ST6GALNAC3: variants seen among roughly 807,000 people sequenced by gnomAD.
The protein encoded by ST6GALNAC3 is ST6 N-acetylgalactosaminide alpha-2,6-sialyltransferase 3.
ST6GALNAC3 carries 25 observed loss-of-function variants against 32.7 expected under a neutral mutation model. That is an observed-to-expected ratio of 0.76 (90% CI 0.56 to 1.07). The LOEUF (loss-of-function observed/expected upper bound fraction) is 1.07, where lower values mean the gene tolerates loss of function less well. ST6GALNAC3 is among the 50% of genes least tolerant of loss of function. The pLI, the probability that ST6GALNAC3 is intolerant of heterozygous loss-of-function variation, is 0.00. For synonymous variants in ST6GALNAC3, 129 were observed against 133.1 expected (o/e 0.97, Z 0.21); for missense variants, 355 against 382.4 (o/e 0.93, Z 0.60).
intron 1 of ST6GALNAC3, among the ~76,000 whole-genome samples, chr1:76,181,768 T>TCAATAAATATTG (rs1461094479): frequency 1.2e-4 from 18 of 152,230 alleles, no homozygotes; most frequent in Non-Finnish European, 2.6e-4. Context: ...ATTAATATTA[T>TCAATAAATATTG]AACTTTAGTT....
Position 76,588,284 on chromosome 1 carries a change from A to T in ST6GALNAC3, c.624-39168A>T, listed in dbSNP as rs1646994493. Among the ~76,000 whole-genome samples the T allele has an allele frequency of 2.6e-5, 4 of 152,102 alleles. No individual in the cohort carries two copies. In the South Asian group the frequency reaches 8.3e-4, roughly 32 times the overall value. ...CTAGTTTTTTTTTTAATGTAGCCAT[A>T]TCCAAATAAAGTGTATGATCCCTTC... On this transcript the variant is annotated intron_variant, in intron 3 of 4. Transcript: ENST00000328299.
At chr1:76,374,044 A>G (rs1651029174) in intron 2 of ST6GALNAC3, among the ~76,000 whole-genome samples, 1 of 152,174 alleles carries the variant, frequency 6.6e-6, no homozygotes, top group East Asian at 1.9e-4. Flanking sequence ...TGCAGCCTAT[A>G]CTTTGACTAC....
chr1:76,236,553 A>G (rs1373861340), intron 1 of ST6GALNAC3, among the ~76,000 whole-genome samples: 3 of 152,194 alleles, frequency 2.0e-5, no homozygotes, highest in African/African-American at 7.2e-5. Flanking sequence ...CCTCGTAGAA[A>G]CCTTCAAAGT....
chr1:76,077,034 C>T (rs1646825819), intron 1 of ST6GALNAC3, among the ~76,000 whole-genome samples: 1 of 152,176 alleles, frequency 6.6e-6, no homozygotes, highest in Admixed American at 6.5e-5. Context: ...ATGGTCTAGA[C>T]AGTCTGGGCT....
chr1:76,354,897 T>G (rs1474846414), intron 2 of ST6GALNAC3, among the ~76,000 whole-genome samples: 1 of 152,198 alleles, frequency 6.6e-6, no homozygotes, highest in Non-Finnish European at 1.5e-5. Flanking sequence ...ACTAGACTGT[T>G]TTGGTAAGCT....
At chr1:76,423,337 C>T (rs952801960) in intron 3 of ST6GALNAC3, among the ~76,000 whole-genome samples, 1 of 151,958 alleles carries the variant, frequency 6.6e-6, no homozygotes, top group African/African-American at 2.4e-5. Flanking sequence ...GGGCCATTTC[C>T]TTGGAGTTTC....
At chr1:76,294,227 T>C (rs1035570934) in intron 1 of ST6GALNAC3, among the ~76,000 whole-genome samples, 1 of 152,134 alleles carries the variant, frequency 6.6e-6, no homozygotes, top group Non-Finnish European at 1.5e-5. Context: ...TTTTATTAAA[T>C]TTCTGAAACC....
intron 3 of ST6GALNAC3, among the ~76,000 whole-genome samples, chr1:76,442,624 C>G (rs1656691389): frequency 6.6e-6 from 1 of 152,166 alleles, no homozygotes; most frequent in African/African-American, 2.4e-5. Context: ...CTTTTTCCAT[C>G]TGTTCCCGGC....
rs372012611 is a variant in ST6GALNAC3 at position 76,172,656 on chromosome 1, A to T, written c.18+97772A>T. On this transcript the variant is annotated intron_variant, in intron 1 of 4. Transcript: ENST00000328299. ...AGCAAAGTCTCAGGATACAAAATTA[A>T]TGTGCAAAAATCACAAGTATTCCTT... Among the ~76,000 whole-genome samples the T allele has an allele frequency of 6.3e-4, 96 of 152,330 alleles. 3 individuals carry two copies. The South Asian group carries it at 0.012, about 19-fold the overall frequency.
intron 3 of ST6GALNAC3, among the ~76,000 whole-genome samples, chr1:76,625,173 C>A (rs779241396): frequency 2.6e-5 from 4 of 151,976 alleles, no homozygotes; most frequent in Non-Finnish European, 4.4e-5. Context: ...CATGGCTGTG[C>A]TTTGTTGCAC....
intron 1 of ST6GALNAC3, among the ~76,000 whole-genome samples, chr1:76,180,063 A>G (rs926481083): frequency 6.6e-6 from 1 of 152,192 alleles, no homozygotes. Flanking sequence ...ATTATTTATA[A>G]AGTGCTAACA....
intron 2 of ST6GALNAC3, among the ~76,000 whole-genome samples, chr1:76,388,119 TAA>T (rs199556980): frequency 6.8e-6 from 1 of 146,362 alleles, no homozygotes; most frequent in African/African-American, 2.5e-5. Flanking sequence ...CAGTTGCAAG[TAA>T]AAAAAAAAAT....
chr1:76,185,342 C>T (rs952426534), intron 1 of ST6GALNAC3, among the ~76,000 whole-genome samples: 10 of 152,128 alleles, frequency 6.6e-5, no homozygotes, highest in African/African-American at 2.4e-4. Flanking sequence ...AACACATGCA[C>T]CATTTTATTG....
chr1:76,437,949 T>G (rs928473732), intron 3 of ST6GALNAC3, among the ~76,000 whole-genome samples: 6 of 151,958 alleles, frequency 3.9e-5, no homozygotes, highest in Admixed American at 3.3e-4. Flanking sequence ...ATTTTGCATT[T>G]TCTCAATTTC....
intron 2 of ST6GALNAC3, among the ~76,000 whole-genome samples, chr1:76,335,546 G>A (rs1009424997): frequency 6.6e-6 from 1 of 152,126 alleles, no homozygotes; most frequent in African/African-American, 2.4e-5. Flanking sequence ...TGGAGTTCCA[G>A]AGAAAACCCA....
At chr1:76,380,131 T>C (rs143808737) in intron 2 of ST6GALNAC3, among the ~76,000 whole-genome samples, 3 of 152,292 alleles carry the variant, frequency 2.0e-5, no homozygotes, top group African/African-American at 7.2e-5. Flanking sequence ...ATGGGGACTC[T>C]TAGAAAGTAT....
At chr1:76,120,548 A>G (rs1182709910) in intron 1 of ST6GALNAC3, among the ~76,000 whole-genome samples, 3 of 152,172 alleles carry the variant, frequency 2.0e-5, no homozygotes, top group Non-Finnish European at 4.4e-5. Context: ...TATAACCCCC[A>G]TTTTGCAGAA....
intron 2 of ST6GALNAC3, among the ~76,000 whole-genome samples, chr1:76,330,058 CT>C (rs1647160362): frequency 6.6e-6 from 1 of 152,136 alleles, no homozygotes; most frequent in African/African-American, 2.4e-5. Context: ...ATTCACCTGC[CT>C]CCCAAAGTGT....
chr1:76,545,196 G>C (rs1219986689), intron 3 of ST6GALNAC3, among the ~76,000 whole-genome samples: 1 of 152,122 alleles, frequency 6.6e-6, no homozygotes, highest in South Asian at 2.1e-4. Context: ...AATTTAGGAC[G>C]GACTAAAAGT....
Sources: allele counts gnomAD v4.1 joint callset (sites outside exome capture counted in the v4.1 genomes callset), GRCh38; gene constraint gnomAD v4.1.1; transcripts MANE v1.5; gene names NCBI Gene and HGNC (gene_info 2026-07-23, HGNC 2026-07-21).